RBFOX3: variants seen among roughly 807,000 people sequenced by gnomAD.
The protein encoded by RBFOX3 is RNA binding fox-1 homolog 3.
A neutral mutation model predicts 48.7 loss-of-function variants in RBFOX3; 17 were observed. The ratio of observed to expected loss-of-function variants is 0.35; its 90% CI spans 0.24 to 0.52. RBFOX3 has a LOEUF of 0.52. Among genes scored for constraint, RBFOX3 ranks in the 20% least tolerant of loss-of-function variants. The pLI is 0.94. For missense variants in RBFOX3, 382 were observed against 497.5 expected, an observed-to-expected ratio of 0.77 and a Z score of 2.21; for synonymous variants, 212 against 209.5, an observed-to-expected ratio of 1.01 and a Z score of -0.10.
At chr17:79,527,747 AT>A (rs1443869915) in intron 1 of RBFOX3, among the ~76,000 whole-genome samples, 1 of 152,192 alleles carries the variant, frequency 6.6e-6, no homozygotes, top group African/African-American at 2.4e-5. Flanking sequence ...ATGCAACTTT[AT>A]TTTTGTAAAC....
intron 4 of RBFOX3, among the ~76,000 whole-genome samples, chr17:79,129,986 G>C (rs1414952827): frequency 6.6e-6 from 1 of 152,162 alleles, no homozygotes; most frequent in African/African-American, 2.4e-5. Context: ...TGCAGGAGGA[G>C]GGCAGGGGCT....
At chr17:79,592,929 C>T (rs2093465374) in intron 1 of RBFOX3, among the ~76,000 whole-genome samples, 1 of 152,190 alleles carries the variant, frequency 6.6e-6, no homozygotes, top group African/African-American at 2.4e-5. Flanking sequence ...ACCCCACACC[C>T]CTGCTTCCAT....
At chr17:79,345,307 G>A (rs1291762089) in intron 2 of RBFOX3, among the ~76,000 whole-genome samples, 2 of 152,196 alleles carry the variant, frequency 1.3e-5, no homozygotes, top group Non-Finnish European at 2.9e-5. Context: ...AGGGTCTGTA[G>A]TGATGTCCCC....
intron 4 of RBFOX3, among the ~76,000 whole-genome samples, chr17:79,121,908 C>A (rs1026304668): frequency 7.2e-5 from 11 of 152,154 alleles, no homozygotes; most frequent in Non-Finnish European, 1.3e-4. Context: ...GACTTCTCCC[C>A]AGAATCCCAG....
At chr17:79,619,753 C>A in the RBFOX3 span, among the ~76,000 whole-genome samples, 1 of 152,050 alleles carries the variant, frequency 6.6e-6, no homozygotes, top group Non-Finnish European at 1.5e-5. Context: ...CCCGGACGGA[C>A]AGGGTGTCAC....
intron 2 of RBFOX3, among the ~76,000 whole-genome samples, chr17:79,429,519 T>G (rs554808508): frequency 5.9e-5 from 9 of 152,194 alleles, no homozygotes; most frequent in Middle Eastern, 3.4e-3. Flanking sequence ...GTATATACAG[T>G]TGCCTCTCAC....
At chr17:79,109,956 C>T (rs1217967759) in intron 5 of RBFOX3, among the ~76,000 whole-genome samples, 1 of 152,126 alleles carries the variant, frequency 6.6e-6, no homozygotes, top group Non-Finnish European at 1.5e-5. Context: ...CAGCCCCGGG[C>T]AGAGGCTAAG....
rs138568141 is a variant in RBFOX3 at position 79,123,660 on chromosome 17, C to T, written c.-33-7912G>A. Among the ~76,000 whole-genome samples, 475 of 152,308 alleles carry T rather than the reference C, an allele frequency of 3.1e-3. 4 individuals are homozygous for T. Among genetic ancestry groups the T allele is most frequent in the African/African-American group, 9.9e-3 (410 of 41,568 alleles). ...TGACCAAGCTCTAGTGTACCCCACA[C>T]GTGCCATCTCATCGAATCCCCACAA... On this transcript the variant is annotated intron_variant, in intron 4 of 14. Coordinates refer to ENST00000693108, the MANE Select transcript of RBFOX3 (RefSeq NM_001350451.2).
At chr17:79,104,153 TG>T in intron 6 of RBFOX3, 27 bp from the exon 7 acceptor site, 3 of 1,544,458 alleles carry the variant, frequency 1.9e-6, no homozygotes, top group Non-Finnish European at 2.6e-6. Context: ...AAAGAGGGAG[TG>T]GGGCAGACAG....
rs370138169 is a variant in RBFOX3, at chr17:79,298,172, G to C, written c.-74+9552C>G. 8 of 152,308 alleles carry C rather than the reference G, an allele frequency of 5.3e-5. No homozygotes were observed. The East Asian group carries it at 1.4e-3, about 26-fold the overall frequency. The allele number at this position is 152,308 out of a possible 1,614,324, so 9.4% of individuals were successfully genotyped here. On this transcript the variant is annotated intron_variant, in intron 3 of 14. Transcript: ENST00000693108. ...TGCAGCTACTTTGCAGCACTCCATC[G>C]AGCAACACCCCAGGGGAAAGGAGCT...
At chr17:79,326,973 G>GAAGCTGCACAGCACACCA (rs908406786) in intron 2 of RBFOX3, among the ~76,000 whole-genome samples, 2 of 152,190 alleles carry the variant, frequency 1.3e-5, no homozygotes, top group African/African-American at 4.8e-5. Flanking sequence ...TGGCTTCCTT[G>GAAGCTGCACAGCACACCA]AAGCTGCACA....
chr17:79,628,101 C>T, the RBFOX3 span, among the ~76,000 whole-genome samples: 1 of 152,074 alleles, frequency 6.6e-6, no homozygotes, highest in Admixed American at 6.5e-5. Flanking sequence ...TTAAAAGCTC[C>T]TACAGGCTCA....
At chr17:79,266,752 T>C (rs564976102) in intron 3 of RBFOX3, among the ~76,000 whole-genome samples, 2 of 152,212 alleles carry the variant, frequency 1.3e-5, no homozygotes, top group African/African-American at 4.8e-5. Flanking sequence ...TGTCCAGTAA[T>C]GTCATCAATC....
At chr17:79,562,874 A>G (rs971711608) in intron 1 of RBFOX3, among the ~76,000 whole-genome samples, 1 of 152,222 alleles carries the variant, frequency 6.6e-6, no homozygotes, top group South Asian at 2.1e-4. Context: ...CACCCCAGGA[A>G]TCCAGCAGGA....
chr17:79,640,284 A>T, the RBFOX3 span, among the ~76,000 whole-genome samples: 7 of 152,314 alleles, frequency 4.6e-5, no homozygotes, highest in Non-Finnish European at 1.0e-4. Flanking sequence ...ATTATAAAAC[A>T]CTGATGCAGG....
intron 1 of RBFOX3, among the ~76,000 whole-genome samples, chr17:79,522,794 G>T (rs1159882005): frequency 2.0e-5 from 3 of 152,038 alleles, no homozygotes; most frequent in Non-Finnish European, 4.4e-5. Flanking sequence ...GCCAGGCATG[G>T]TGGTTGATGC....
intron 2 of RBFOX3, among the ~76,000 whole-genome samples, chr17:79,374,253 G>A (rs560049606): frequency 1.5e-4 from 23 of 152,306 alleles, no homozygotes; most frequent in African/African-American, 3.6e-4. Context: ...GAGAGTGGGC[G>A]TGAGAGAAGT....
Position 79,390,898 on chromosome 17 carries a change from G to T in RBFOX3, c.-174-83074C>A, listed in dbSNP as rs1289915361. Among the ~76,000 whole-genome samples, 1 of 152,156 alleles carries T rather than the reference G, an allele frequency of 6.6e-6. No homozygotes were observed. Among genetic ancestry groups the T allele is most frequent in the Non-Finnish European group, 1.5e-5 (1 of 68,024 alleles). On this transcript the variant is annotated intron_variant, in intron 2 of 14. Coordinates refer to ENST00000693108, the MANE Select transcript of RBFOX3 (RefSeq NM_001350451.2). The surrounding 1 kb of genome is among the most constrained non-coding windows in gnomAD (Gnocchi z 4.2). ...ACACCTCGGGATGAGCCCCTGGTGGGACTGCTCGGGTGCCGGCAGGGAGTT... is the reference window on the plus strand; with the variant it reads ...ACACCTCGGGATGAGCCCCTGGTGGTACTGCTCGGGTGCCGGCAGGGAGTT...
chr17:79,237,445 G>A (rs768686715), intron 3 of RBFOX3, among the ~76,000 whole-genome samples: 4 of 152,212 alleles, frequency 2.6e-5, no homozygotes, highest in South Asian at 2.1e-4. Context: ...CTGGTGAAGC[G>A]ACTGTGGCCA....
Sources: gnomAD v4.1 joint callset for allele counts (sites outside exome capture counted in the v4.1 genomes callset) on GRCh38, gnomAD v4.1.1 for gene constraint, Gnocchi (gnomAD v3.1) non-coding constraint, MANE v1.5 for transcripts, NCBI Gene and HGNC (gene_info 2026-07-23, HGNC 2026-07-21) for gene names.